The following ZEB1 variants were observed in gnomAD, a reference collection of about 807,000 sequenced individuals.
ZEB1 encodes zinc finger E-box-binding homeobox 1.
In ZEB1, 21 loss-of-function variants were observed where a neutral mutation model predicts 84.9. That is an observed-to-expected ratio of 0.25 (90% CI 0.18 to 0.36). ZEB1 has a LOEUF of 0.36. ZEB1 is among the 10% of genes least tolerant of loss of function. The pLI, the probability that ZEB1 is intolerant of heterozygous loss-of-function variation, is 1.00. For synonymous variants in ZEB1, 420 were observed against 471.1 expected (o/e 0.89, Z 1.41); for missense variants, 1,104 against 1,330.2 (o/e 0.83, Z 2.65).
At chr10:31,397,509 G>A (rs379202) in intron 1 of ZEB1, among the ~76,000 whole-genome samples, 37,690 of 151,882 alleles carry the variant, frequency 0.25, 10,355 homozygotes, top group African/African-American at 0.69. Flanking sequence ...GCATATGTCT[G>A]CTTTCTGCAG....
intron 1 of ZEB1, among the ~76,000 whole-genome samples, chr10:31,350,405 G>A (rs1472757662): frequency 6.6e-6 from 1 of 152,050 alleles, no homozygotes; most frequent in Non-Finnish European, 1.5e-5. Flanking sequence ...TTATTCCAAA[G>A]TGATTTAATC....
chr10:31,435,453 A>G (rs2058178346), intron 1 of ZEB1, among the ~76,000 whole-genome samples: 1 of 152,254 alleles, frequency 6.6e-6, no homozygotes, highest in African/African-American at 2.4e-5. Context: ...GTAACTAAAC[A>G]AGATAATTAC....
intron 1 of ZEB1, among the ~76,000 whole-genome samples, chr10:31,366,197 A>G (rs1045521556): frequency 3.3e-5 from 5 of 152,176 alleles, no homozygotes; most frequent in Admixed American, 1.3e-4. Context: ...CTCACTGTCT[A>G]CCATCTCCTT....
intron 2 of ZEB1, among the ~76,000 whole-genome samples, chr10:31,477,896 G>C (rs1565045983): frequency 6.6e-6 from 1 of 151,790 alleles, no homozygotes; most frequent in Non-Finnish European, 1.5e-5. Flanking sequence ...TGTAAGATGT[G>C]AAACTTAAAA....
rs564002171 is a variant in ZEB1 at position 31,361,217 on chromosome 10, G to T, written c.58+41925G>T. Reference sequence around the variant, plus strand: ...CTCAACTACAACATCGTTTCAGGACGCAGTCTTGCTCTGTCACCAGGCTGG... The same window carrying T: ...CTCAACTACAACATCGTTTCAGGACTCAGTCTTGCTCTGTCACCAGGCTGG... On this transcript the variant is annotated intron_variant, in intron 1 of 8. Transcript: ENST00000424869. 17 of 1,610,492 alleles carry T rather than the reference G, an allele frequency of 1.1e-5. No individual in the cohort carries two copies. In the East Asian group the frequency reaches 2.5e-4, roughly 23 times the overall value.
chr10:31,481,629 A>G (rs990638385), intron 2 of ZEB1, among the ~76,000 whole-genome samples: 2 of 151,846 alleles, frequency 1.3e-5, no homozygotes, highest in African/African-American at 2.4e-5. Context: ...TTTGAGACCA[A>G]CCTGGGCAAC....
intron 1 of ZEB1, among the ~76,000 whole-genome samples, chr10:31,347,967 G>A (rs1251896654): frequency 6.6e-6 from 1 of 152,168 alleles, no homozygotes; most frequent in African/African-American, 2.4e-5. Flanking sequence ...GCAACAGATG[G>A]TGTCTGGAAA....
At chr10:31,502,859 A>C (rs1260262260) in intron 4 of ZEB1, among the ~76,000 whole-genome samples, 1 of 152,194 alleles carries the variant, frequency 6.6e-6, no homozygotes, top group Non-Finnish European at 1.5e-5. Context: ...ACAAATAAAA[A>C]TATGGTTGTC....
chr10:31,409,528 T>C (rs2053825552), intron 1 of ZEB1, among the ~76,000 whole-genome samples: 1 of 152,084 alleles, frequency 6.6e-6, no homozygotes, highest in South Asian at 2.1e-4. Flanking sequence ...TTTAAAGTGG[T>C]TTTTTCTAAT....
chr10:31,365,218 A>G (rs552135563), intron 1 of ZEB1, among the ~76,000 whole-genome samples: 2 of 152,354 alleles, frequency 1.3e-5, no homozygotes, highest in African/African-American at 2.4e-5. Flanking sequence ...TAGTAGATCA[A>G]TGTATTGGAT....
intron 1 of ZEB1, among the ~76,000 whole-genome samples, chr10:31,442,852 G>C (rs1381208991): frequency 6.6e-5 from 10 of 152,212 alleles, no homozygotes; most frequent in Admixed American, 5.9e-4. Context: ...GCATTTAGCA[G>C]TGCTCACAGT....
At chr10:31,382,006 C>CAAAAAAAAAAAAAAAA (rs535534850) in intron 1 of ZEB1, among the ~76,000 whole-genome samples, 2 of 40,768 alleles carry the variant, frequency 4.9e-5, no homozygotes, top group Non-Finnish European at 9.5e-5. Flanking sequence ...GAGACTGTCT[C>CAAAAAAAAAAAAAAAA]AAAAAAAAAA....
At chr10:31,398,071 G>A (rs757031305) in intron 1 of ZEB1, among the ~76,000 whole-genome samples, 2 of 152,130 alleles carry the variant, frequency 1.3e-5, no homozygotes, top group Non-Finnish European at 2.9e-5. Context: ...CTACTTCAAA[G>A]AACTATGTGA....
At chr10:31,441,047 A>G (rs1591293885) in intron 1 of ZEB1, among the ~76,000 whole-genome samples, 1 of 152,222 alleles carries the variant, frequency 6.6e-6, no homozygotes, top group South Asian at 2.1e-4. Flanking sequence ...ACAGAATTGG[A>G]AAAAACTACT....
chr10:31,384,666 G>A (rs1315566075), intron 1 of ZEB1, among the ~76,000 whole-genome samples: 2 of 152,176 alleles, frequency 1.3e-5, no homozygotes, highest in African/African-American at 4.8e-5. Flanking sequence ...ATCTGTATTT[G>A]CAGGTGAAAT....
chr10:31,510,688 T>C lies in ZEB1; in HGVS notation c.500T>C (p.Phe167Ser). The C allele has an allele frequency of 6.2e-7, 1 of 1,613,606 alleles. No homozygotes were observed. Among genetic ancestry groups the C allele is most frequent in the Non-Finnish European group, 8.5e-7 (1 of 1,179,630 alleles). ...TCTTTTACAGGAACACCAGATGCATTTTCACAATTACTCACCTGTCCATAT... is the reference window on the plus strand; with the variant it reads ...TCTTTTACAGGAACACCAGATGCATCTTCACAATTACTCACCTGTCCATAT... ...GHDENGTPDA[F>S]SQLLTCPYCD... Residue 167 changes from phenylalanine to serine, a missense_variant, in exon 5 of 9, where the codon TTT (phenylalanine) becomes TCT (serine). Coordinates refer to ENST00000424869, the MANE Select transcript of ZEB1 (RefSeq NM_001174096.2).
At chr10:31,428,837 T>A (rs1049290209) in intron 1 of ZEB1, among the ~76,000 whole-genome samples, 1 of 152,068 alleles carries the variant, frequency 6.6e-6, no homozygotes, top group Non-Finnish European at 1.5e-5. Flanking sequence ...AAAATCTTTG[T>A]TTGGTTTAAA....
At position 31,520,067 on chromosome 10, in the gene ZEB1, T is replaced by C. The variant is rs1203493523; in HGVS notation, c.794-59T>C. 3.2e-6 allele frequency: 5 copies of C among 1,581,058 alleles called. No individual in the cohort carries two copies. The highest frequency in any genetic ancestry group is 4.3e-6 in the Non-Finnish European group (5 of 1,165,422). Reference sequence around the variant, plus strand: ...ACCGCTTGTTTTAGGGAAATGAGGATACATAAAAATTTATATGTAATAATT... The same window carrying C: ...ACCGCTTGTTTTAGGGAAATGAGGACACATAAAAATTTATATGTAATAATT... On this transcript the variant is annotated intron_variant, in intron 6 of 8. Transcript: ENST00000424869. The surrounding 1 kb of genome is among the most constrained non-coding windows in gnomAD (Gnocchi z 5.1).
intron 8 of ZEB1, 80 bp downstream of exon 8, chr10:31,524,193 A>ATT: frequency 2.1e-6 from 3 of 1,443,064 alleles, no homozygotes; most frequent in African/African-American, 1.5e-5. Context: ...AAGTTTTAGA[A>ATT]TTTTCTTTCT....
Sources: gnomAD v4.1 joint callset for allele counts (sites outside exome capture counted in the v4.1 genomes callset) on GRCh38, gnomAD v4.1.1 for gene constraint, Gnocchi (gnomAD v3.1) non-coding constraint, MANE v1.5 for transcripts, NCBI Gene and HGNC (gene_info 2026-07-23, HGNC 2026-07-21) for gene names.